Variants in FSD1L observed in about 807,000 individuals in gnomAD.
FSD1L encodes the protein FSD1-like protein.
Under a neutral mutation model 71.6 loss-of-function variants are expected in FSD1L, and 45 were observed. The ratio of observed to expected loss-of-function variants is 0.63; its 90% CI spans 0.49 to 0.81. The LOEUF is 0.81. Ranked by LOEUF, FSD1L falls within the 30% of genes least tolerant of loss-of-function variation. FSD1L has a pLI of 0.00. For missense variants in FSD1L, 561 were observed against 618.1 expected, an observed-to-expected ratio of 0.91 and a Z score of 0.98; for synonymous variants, 197 against 207.2, an observed-to-expected ratio of 0.95 and a Z score of 0.42.
At chr9:105,524,396 T>G (rs991469177) in intron 10 of FSD1L, 1 of 1,613,806 alleles carries the variant, frequency 6.2e-7, no homozygotes, top group African/African-American at 1.3e-5. Flanking sequence ...CTTCATCTTA[T>G]GAAATGGACA....
At chr9:105,503,102 G>A (rs1368089442) in intron 7 of FSD1L, among the ~76,000 whole-genome samples, 2 of 151,384 alleles carry the variant, frequency 1.3e-5, no homozygotes, top group East Asian at 3.9e-4. Context: ...TGCCCAGGGT[G>A]GTCTCAAACT....
At chr9:105,456,489 A>G (rs1830365094) in intron 1 of FSD1L, among the ~76,000 whole-genome samples, 1 of 152,240 alleles carries the variant, frequency 6.6e-6, no homozygotes, top group South Asian at 2.1e-4. Flanking sequence ...ATTGATAATG[A>G]TTATAAACAT....
chr9:105,537,449 C>G (rs116761733), intron 12 of FSD1L, among the ~76,000 whole-genome samples: 2,395 of 151,448 alleles, frequency 0.016, 88 homozygotes, highest in African/African-American at 0.055. Context: ...ATTTTTTTTT[C>G]AACTACCAAG....
chr9:105,546,525 G>T lies in FSD1L; in HGVS notation c.*42G>T, dbSNP rs1393414661. The T allele has an allele frequency of 2.0e-6, 3 of 1,485,468 alleles. No individual in the cohort carries two copies. The highest frequency in any genetic ancestry group is 2.7e-6 in the Non-Finnish European group (3 of 1,116,384). The allele number at this position is 1,485,468 out of a possible 1,614,324, so 92.0% of individuals were successfully genotyped here. ...GTTTACCCTCCGTCTTGATTAGGTG[G>T]CCTTTTCTGTGCAGTTACTAATCAC... is the stretch of plus-strand genomic sequence containing the variant. On this transcript the variant is annotated 3_prime_UTR_variant, in exon 14 of 14. Transcript: ENST00000481272.
intron 2 of FSD1L, among the ~76,000 whole-genome samples, chr9:105,463,836 A>T (rs890873641): frequency 2.0e-5 from 3 of 152,194 alleles, no homozygotes; most frequent in Non-Finnish European, 4.4e-5. Flanking sequence ...TAAAATGTTG[A>T]TGAATTTGTG....
At chr9:105,504,976 C>T (rs1833965742) in intron 7 of FSD1L, among the ~76,000 whole-genome samples, 1 of 152,176 alleles carries the variant, frequency 6.6e-6, no homozygotes, top group Admixed American at 6.5e-5. Flanking sequence ...CCTGTTATTA[C>T]TATTCTGCAT....
chr9:105,490,108 T>A (rs1832824123), intron 7 of FSD1L, among the ~76,000 whole-genome samples: 1 of 152,240 alleles, frequency 6.6e-6, no homozygotes, highest in Non-Finnish European at 1.5e-5. Flanking sequence ...TGAACTAGTT[T>A]ACAGTCCCAC....
rs369485582 is a variant in FSD1L at position 105,507,436 on chromosome 9, A to C, written c.796+828A>C. Among the ~76,000 whole-genome samples the C allele has an allele frequency of 2.3e-4, 35 of 152,350 alleles. 1 individual carries two copies. The highest frequency in any genetic ancestry group is 8.2e-4 in the African/African-American group (34 of 41,584). ...CAGGAGATGGGCTCAAGTGTATTAC[A>C]TATAGTACATCTCATTTAATCAGCA... On this transcript the variant is annotated intron_variant, in intron 8 of 13. Transcript: ENST00000481272.
chr9:105,453,564 T>A (rs893477671), intron 1 of FSD1L, among the ~76,000 whole-genome samples: 1 of 152,058 alleles, frequency 6.6e-6, no homozygotes, highest in Non-Finnish European at 1.5e-5. Context: ...TCAACTCTTT[T>A]GAGGGAATGT....
chr9:105,485,466 A>T lies in FSD1L; in HGVS notation c.586+964A>T, dbSNP rs1208061446. 2.7e-5 allele frequency among the ~76,000 whole-genome samples: 4 copies of T among 150,614 alleles called. No individual in the cohort carries two copies. In the East Asian group the frequency reaches 7.8e-4, roughly 29 times the overall value. On this transcript the variant is annotated intron_variant, in intron 7 of 13. Coordinates refer to ENST00000481272, the MANE Select transcript of FSD1L (RefSeq NM_001145313.3). ...ACTTCCCAACACTGCCATATTGGTG[A>T]CCAAACTTCAACATGAGTTTGCTGG...
At chr9:105,463,332 T>TA (rs1323243914) in intron 2 of FSD1L, among the ~76,000 whole-genome samples, 1 of 152,168 alleles carries the variant, frequency 6.6e-6, no homozygotes, top group Non-Finnish European at 1.5e-5. Context: ...CTGAGAAAAT[T>TA]ACAAAGTATT....
chr9:105,452,332 C>T (rs1182033134), intron 1 of FSD1L, among the ~76,000 whole-genome samples: 1 of 152,188 alleles, frequency 6.6e-6, no homozygotes, highest in Non-Finnish European at 1.5e-5. Context: ...TACTGTTCTG[C>T]ATCCAGTATT....
At chr9:105,453,339 A>G (rs1318531313) in intron 1 of FSD1L, among the ~76,000 whole-genome samples, 1 of 151,308 alleles carries the variant, frequency 6.6e-6, no homozygotes, top group Non-Finnish European at 1.5e-5. Context: ...CCGCCACCAC[A>G]CTCAGCTAAT....
At chr9:105,535,890 C>G (rs1836235418) in intron 12 of FSD1L, among the ~76,000 whole-genome samples, 1 of 152,168 alleles carries the variant, frequency 6.6e-6, no homozygotes, top group Admixed American at 6.5e-5. Context: ...CAAACCGCAT[C>G]ACACTTGAAA....
chr9:105,442,333 T>C, the FSD1L span, among the ~76,000 whole-genome samples: 1 of 151,982 alleles, frequency 6.6e-6, no homozygotes, highest in Non-Finnish European at 1.5e-5. Flanking sequence ...GAATGAATGG[T>C]TTTGCCCTCC....
rs1221326938 is a variant in FSD1L, at chr9:105,514,828, G to T, written c.1025+1892G>T. Among the ~76,000 whole-genome samples, 7 of 152,250 alleles carry T rather than the reference G, an allele frequency of 4.6e-5. No individual in the cohort carries two copies. In the East Asian group the frequency reaches 7.7e-4, roughly 17 times the overall value. On this transcript the variant is annotated intron_variant, in intron 10 of 13. Transcript: ENST00000481272. ...ACTGCCAGCAAGCCCCAAACAAAAAGGTTCCTGCCAGTTTATGGGCCTGAG... is the reference window on the plus strand; with the variant it reads ...ACTGCCAGCAAGCCCCAAACAAAAATGTTCCTGCCAGTTTATGGGCCTGAG...
intron 3 of FSD1L, among the ~76,000 whole-genome samples, chr9:105,464,542 G>T (rs907201457): frequency 6.6e-6 from 1 of 152,210 alleles, no homozygotes; most frequent in Non-Finnish European, 1.5e-5. Context: ...CTCTGGAATA[G>T]TAGTTGTTAG....
In FSD1L at chr9:105,551,778, A is replaced by G. The variant is rs548340368; in HGVS notation, c.*5295A>G. The G allele has an allele frequency of 3.5e-4, 54 of 152,344 alleles. No homozygotes were observed. The highest frequency in any genetic ancestry group is 1.2e-3 in the African/African-American group (51 of 41,590). The allele number at this position is 152,344 out of a possible 1,614,324, so 9.4% of individuals were successfully genotyped here. ...TGTTGTGTCAGTGTAGAATAGTGGC[A>G]TAAATAAATGAATTAAGCTACATTT... is the stretch of plus-strand genomic sequence containing the variant. On this transcript the variant is annotated 3_prime_UTR_variant, in exon 14 of 14. Coordinates refer to ENST00000481272, the MANE Select transcript of FSD1L (RefSeq NM_001145313.3).
intron 1 of FSD1L, among the ~76,000 whole-genome samples, chr9:105,453,493 TTGTGTG>T (rs146784407): frequency 6.6e-6 from 1 of 150,456 alleles, no homozygotes; most frequent in African/African-American, 2.4e-5. Flanking sequence ...TATTTTTATT[TTGTGTG>T]TGTGTGTGTG....
Sources: allele counts gnomAD v4.1 joint callset (sites outside exome capture counted in the v4.1 genomes callset), GRCh38; gene constraint gnomAD v4.1.1; transcripts MANE v1.5; gene names NCBI Gene and HGNC (gene_info 2026-07-23, HGNC 2026-07-21).